The following PRDM15 variants were observed in gnomAD, a reference collection of about 807,000 sequenced individuals.
PRDM15 encodes the protein PR domain zinc finger protein 15.
Under a neutral mutation model 128.6 loss-of-function variants are expected in PRDM15, and 64 were observed. The observed-to-expected ratio is 0.50, with a 90% CI of 0.41 to 0.61. The LOEUF (loss-of-function observed/expected upper bound fraction) is 0.61. Ranked by LOEUF, PRDM15 falls within the 20% of genes least tolerant of loss-of-function variation. The pLI is 0.00. For synonymous variants in PRDM15, 615 were observed against 621.8 expected (o/e 0.99, Z 0.16); for missense variants, 1,242 against 1,569.1 (o/e 0.79, Z 3.52).
At position 41,798,733 on chromosome 21, in the gene PRDM15, C is replaced by T. The variant is rs1295597746; in HGVS notation, c.*2507G>A. The T allele has an allele frequency of 4.6e-5, 7 of 152,234 alleles. No individual in the cohort carries two copies. The highest frequency in any genetic ancestry group is 4.6e-4 in the Admixed American group (7 of 15,284). The allele number at this position is 152,234 out of a possible 1,614,324, so 9.4% of individuals were successfully genotyped here. A position where few individuals can be genotyped will look rare whatever the true frequency, so the allele number is the denominator to read the frequency against. ...GATCTAATGTCTTCCTTTATGAATA[C>T]ATCTGTGCACCTGGGATCAGTTAAA... On this transcript the variant is annotated 3_prime_UTR_variant, in exon 24 of 24. Coordinates refer to ENST00000398548, the MANE Select transcript of PRDM15 (RefSeq NM_001040424.3).
rs115728506 is a variant in PRDM15 at position 41,802,606 on chromosome 21, A to T, written c.2943+106T>A. ...CTGCCTTCAACCACATGAAGTCCAC[A>T]TGTACACTGTGTATAGTAAAAAGAG... On this transcript the variant is annotated intron_variant, in intron 23 of 23. Transcript: ENST00000398548. 2.4e-3 allele frequency: 2,213 copies of T among 928,970 alleles called. 31 individuals are homozygous for T. The African/African-American group carries it at 0.031, about 13-fold the overall frequency. 57.5% of individuals were successfully genotyped at this position (928,970 alleles called of 1,614,324 possible). A position where few individuals can be genotyped will look rare whatever the true frequency, so the allele number is the denominator to read the frequency against.
chr21:41,816,805 T>C (rs2062069273), intron 18 of PRDM15, among the ~76,000 whole-genome samples: 1 of 151,954 alleles, frequency 6.6e-6, no homozygotes. Flanking sequence ...GCACAACTCC[T>C]GGCCTCGGGT....
intron 23 of PRDM15, 77 bp downstream of exon 23, chr21:41,802,635 G>C (rs2061445851): frequency 8.6e-7 from 1 of 1,156,752 alleles, no homozygotes; most frequent in Non-Finnish European, 1.3e-6. Context: ...AAAAGAGATG[G>C]AGTCACACAC....
rs1482291123 is a variant in PRDM15, at chr21:41,828,674, T to C, written c.1367-341A>G. On this transcript the variant is annotated intron_variant, in intron 11 of 23. Coordinates refer to ENST00000398548, the MANE Select transcript of PRDM15 (RefSeq NM_001040424.3). The surrounding 1 kb of genome is among the most constrained non-coding windows in gnomAD (Gnocchi z 5.7). The stretch of plus-strand genomic sequence containing the variant: ...AAGCTGCCCAGTCCAAAGCTTCCCC[T>C]GGGCCTGCACCCTCCACCCAGCATG... Among the ~76,000 whole-genome samples the C allele has an allele frequency of 1.3e-5, 2 of 151,912 alleles. No homozygotes were observed. The highest frequency in any genetic ancestry group is 4.8e-5 in the African/African-American group (2 of 41,326).
At chr21:41,809,098 G>T (rs530047548) in intron 21 of PRDM15, among the ~76,000 whole-genome samples, 5 of 152,208 alleles carry the variant, frequency 3.3e-5, no homozygotes, top group Non-Finnish European at 7.3e-5. Context: ...TTTTCACCAC[G>T]GCTGTTCTTC....
chr21:41,821,977 A>C lies in PRDM15; in HGVS notation c.1822T>G (p.Ser608Ala), dbSNP rs538644091. The C allele has an allele frequency of 1.2e-6, 2 of 1,614,198 alleles. No homozygotes were observed. Among genetic ancestry groups the C allele is most frequent in the African/African-American group, 2.7e-5 (2 of 75,058 alleles). Residue 608 changes from serine to alanine, a missense_variant, in exon 15 of 24, where the codon TCG becomes GCG. Coordinates refer to ENST00000398548, the MANE Select transcript of PRDM15 (RefSeq NM_001040424.3). The surrounding 1 kb of genome is among the most constrained non-coding windows in gnomAD (Gnocchi z 5.4). ...TCAGAATTGTCATCGTTTTCTTCCG[A>C]GGAGATCCCGATCTTGCCGATAAAC... ...EEFIGKIGIS[S>A]EENDDNSDES...
At chr21:41,843,950 T>TTAAAAAAA (rs1555883670) in intron 6 of PRDM15, among the ~76,000 whole-genome samples, 4 of 123,240 alleles carry the variant, frequency 3.2e-5, no homozygotes, top group Non-Finnish European at 1.7e-5. Flanking sequence ...CCTTGTATTG[T>TTAAAAAAA]AAAAAAAAAA....
chr21:41,808,372 G>A (rs766670589), intron 21 of PRDM15, among the ~76,000 whole-genome samples: 15 of 152,220 alleles, frequency 9.9e-5, no homozygotes, highest in Non-Finnish European at 2.2e-4. Flanking sequence ...ATGCAGCCAC[G>A]GTCCCCTGGC....
At chr21:41,874,525 A>ATATATATATATATATTTTT in intron 1 of PRDM15, among the ~76,000 whole-genome samples, 2 of 95,828 alleles carry the variant, frequency 2.1e-5, no homozygotes, top group Admixed American at 1.2e-4. Flanking sequence ...ATATATATAT[A>ATATATATATATATATTTTT]TTTTTTTTTT....
chr21:41,839,963 C>T (rs1456072815), intron 6 of PRDM15, 110 bp from the exon 7 acceptor site: 11 of 828,578 alleles, frequency 1.3e-5, no homozygotes, highest in Admixed American at 4.8e-5. Context: ...GTTTGCCAAC[C>T]TTTGTATAGG....
rs762064390 is a variant in PRDM15, at chr21:41,821,217, C to T, written c.1910G>A (p.Arg637Gln). The change falls in exon 16 of 24, where the codon CGG becomes CAG. Residue 637 changes from arginine (R) to glutamine (Q), a missense_variant. By Grantham distance (43) the Arg-to-Gln change is conservative. Transcript: ENST00000398548. The surrounding 1 kb of genome is among the most constrained non-coding windows in gnomAD (Gnocchi z 5.4). ...GATGTGCTTCAGGTACTCCTTCCCC[C>T]GGCCGAAGGTGAGCTGCGGGCCAGG... The part of the protein sequence containing the change: ...SCKRCQLTFG[R>Q]GKEYLKHIME... 28 of 1,614,002 alleles carry T rather than the reference C, an allele frequency of 1.7e-5. No individual in the cohort carries two copies. Among genetic ancestry groups the T allele is most frequent in the Non-Finnish European group, 2.0e-5 (24 of 1,180,032 alleles).
At position 41,825,980 on chromosome 21, in the gene PRDM15, C is replaced by T. The variant is rs145981822; in HGVS notation, c.1609G>A (p.Gly537Arg). 231 of 1,613,974 alleles carry T rather than the reference C, an allele frequency of 1.4e-4. No individual in the cohort carries two copies. Among genetic ancestry groups the T allele is most frequent in the Non-Finnish European group, 1.7e-4 (197 of 1,179,914 alleles). ...ATTACCTTGCCACACACCGGGCACCCGGAAGGCTCCTTCTTGTAACGGACC... is the reference window on the plus strand; with the variant it reads ...ATTACCTTGCCACACACCGGGCACCTGGAAGGCTCCTTCTTGTAACGGACC... ...NLVRYKKEPS[G>R]CPVCGKVFSC... is the part of the protein sequence containing the mutation. Residue 537 changes from glycine (G) to arginine (R), a missense_variant, in exon 13 of 24, where the codon GGG (glycine) becomes AGG (arginine). Gly to Arg is a moderately radical substitution (Grantham distance 125). Around this residue, in one of 3 missense-constraint regions of PRDM15, gnomAD observed 28 missense variants for 63.8 expected, o/e 0.44. Coordinates refer to ENST00000398548, the MANE Select transcript of PRDM15 (RefSeq NM_001040424.3).
At chr21:41,846,477 A>T (rs2063267696) in intron 6 of PRDM15, among the ~76,000 whole-genome samples, 1 of 152,238 alleles carries the variant, frequency 6.6e-6, no homozygotes, top group Admixed American at 6.5e-5. Flanking sequence ...GCCGAGGCAG[A>T]CGGACCGCTT....
intron 21 of PRDM15, among the ~76,000 whole-genome samples, chr21:41,807,770 G>A (rs902790128): frequency 6.6e-6 from 1 of 152,182 alleles, no homozygotes; most frequent in Non-Finnish European, 1.5e-5. Flanking sequence ...GAGAGCACAG[G>A]ATAAAAGGCT....
intron 3 of PRDM15, chr21:41,858,959 C>A (rs1393224794): frequency 1.7e-6 from 2 of 1,206,964 alleles, no homozygotes; most frequent in African/African-American, 1.5e-5. Flanking sequence ...AACACCACAA[C>A]CACCCCACGG....
chr21:41,806,394 TCACCAC>T (rs1568882531), intron 21 of PRDM15, among the ~76,000 whole-genome samples: 3 of 24,998 alleles, frequency 1.2e-4, no homozygotes, highest in Non-Finnish European at 8.0e-5. Context: ...ACCACCACCA[TCACCAC>T]CACCACCACC....
rs752065195 is a variant in PRDM15, at chr21:41,819,560, T to C, written c.2260+22A>G. On this transcript the variant is annotated intron_variant, in intron 18 of 23. Coordinates refer to ENST00000398548, the MANE Select transcript of PRDM15 (RefSeq NM_001040424.3). ...GGGTGGCCTGGCTGAGCCTGGCCCATGTCCCCAGCACCCGTACCCACCTTT... is the reference window on the plus strand; with the variant it reads ...GGGTGGCCTGGCTGAGCCTGGCCCACGTCCCCAGCACCCGTACCCACCTTT... 10 of 1,481,198 alleles carry C rather than the reference T, an allele frequency of 6.8e-6. 1 individual carries two copies. Among genetic ancestry groups the C allele is most frequent in the East Asian group, 3.0e-5 (1 of 33,766 alleles). 91.8% of individuals were successfully genotyped at this position (1,481,198 alleles called of 1,614,324 possible).
intron 13 of PRDM15, among the ~76,000 whole-genome samples, chr21:41,824,600 G>C (rs2062402452): frequency 6.6e-6 from 1 of 152,228 alleles, no homozygotes; most frequent in East Asian, 1.9e-4. Context: ...CCAAGGGGCA[G>C]AGGTCAGTGG....
intron 1 of PRDM15, among the ~76,000 whole-genome samples, chr21:41,873,460 G>A (rs1337177426): frequency 6.6e-6 from 1 of 152,078 alleles, no homozygotes; most frequent in East Asian, 1.9e-4. Context: ...GATGCATCTG[G>A]TATCTTTCCT....
Sources: gnomAD v4.1 joint callset for allele counts (sites outside exome capture counted in the v4.1 genomes callset) on GRCh38, gnomAD v4.1.1 for gene constraint, gnomAD v4.1.1 regional missense constraint, Gnocchi (gnomAD v3.1) non-coding constraint, MANE v1.5 for transcripts, NCBI Gene and HGNC (gene_info 2026-07-23, HGNC 2026-07-21) for gene names.